The following DUSP14 variants were observed in gnomAD, a reference collection of about 807,000 sequenced individuals.
DUSP14 encodes the protein dual specificity phosphatase 14.
DUSP14 carries 5 observed loss-of-function variants against 13.2 expected under a neutral mutation model. The observed-to-expected ratio is 0.38, with a 90% CI of 0.20 to 0.80. The LOEUF (loss-of-function observed/expected upper bound fraction) is 0.80. Among genes scored for constraint, DUSP14 ranks in the 30% least tolerant of loss-of-function variants. DUSP14 has a pLI of 0.44. For synonymous variants in DUSP14, 91 were observed against 103.4 expected (o/e 0.88, Z 0.73); for missense variants, 185 against 264.0 (o/e 0.70, Z 2.07).
intron 1 of DUSP14, among the ~76,000 whole-genome samples, chr17:37,503,078 G>A (rs1431181811): frequency 6.6e-6 from 1 of 152,116 alleles, no homozygotes; most frequent in African/African-American, 2.4e-5. Context: ...AGGTTTCTCA[G>A]GGTTCAAATG....
intron 1 of DUSP14, among the ~76,000 whole-genome samples, chr17:37,492,403 A>C (rs2054034959): frequency 6.6e-6 from 1 of 152,246 alleles, no homozygotes; most frequent in Admixed American, 6.5e-5. Flanking sequence ...GCTTCACTTC[A>C]CCTGGGTGAA....
chr17:37,503,631 G>T (rs1471570510), intron 1 of DUSP14, among the ~76,000 whole-genome samples: 1 of 152,176 alleles, frequency 6.6e-6, no homozygotes, highest in Non-Finnish European at 1.5e-5. Context: ...CCAAATACAA[G>T]AATTCAATTC....
chr17:37,511,259 G>A (rs989350335), intron 2 of DUSP14, among the ~76,000 whole-genome samples: 14 of 152,140 alleles, frequency 9.2e-5, no homozygotes, highest in African/African-American at 2.6e-4. Context: ...ACATTGTCAC[G>A]AAATGATAGG....
chr17:37,500,709 TTATA>T (rs1376837347), intron 1 of DUSP14, among the ~76,000 whole-genome samples: 2 of 152,224 alleles, frequency 1.3e-5, no homozygotes, highest in Admixed American at 1.3e-4. Context: ...AAAATGTTAT[TTATA>T]TAAGCCATTG....
At position 37,512,978 on chromosome 17, in the gene DUSP14, G is replaced by A; in HGVS notation, c.*109G>A. On this transcript the variant is annotated 3_prime_UTR_variant, in exon 3 of 3. Transcript: ENST00000617516. This position sits in a 1 kb window ranked among gnomAD's most constrained non-coding sequence, Gnocchi z 4.8. ...TGGCTGACTTCTGGTTCTCCCTCAA[G>A]TGTTTTTTACACTGGGTGTTCAAAT... The A allele has an allele frequency of 4.1e-6, 4 of 972,700 alleles. No individual in the cohort carries two copies. Among genetic ancestry groups the A allele is most frequent in the Non-Finnish European group, 6.2e-6 (4 of 643,490 alleles). The allele number at this position is 972,700 out of a possible 1,614,324, so 60.3% of individuals were successfully genotyped here.
chr17:37,493,353 TGAA>T, intron 1 of DUSP14, among the ~76,000 whole-genome samples: 1 of 152,350 alleles, frequency 6.6e-6, no homozygotes, highest in Middle Eastern at 3.4e-3. Flanking sequence ...GGGGCAATTA[TGAA>T]CAGCCCTGAG....
At chr17:37,511,080 C>T (rs772947235) in intron 2 of DUSP14, among the ~76,000 whole-genome samples, 2 of 151,958 alleles carry the variant, frequency 1.3e-5, no homozygotes, top group Non-Finnish European at 2.9e-5. Flanking sequence ...GACGTTCAGA[C>T]GTTAAAAGCC....
chr17:37,512,944 CT>C lies in DUSP14; in HGVS notation c.*77del. ...CCGCCGTCTGCTCCCTCTCCACTCT[CT>C]TCTCAAATGGCTGACTTCTGGTTCT... On this transcript the variant is annotated 3_prime_UTR_variant, in exon 3 of 3. Transcript: ENST00000617516. The surrounding 1 kb of genome is among the most constrained non-coding windows in gnomAD (Gnocchi z 4.8). 7.9e-7 allele frequency: 1 copy of C among 1,260,892 alleles called. No homozygotes were observed. The highest frequency in any genetic ancestry group is 1.5e-5 in the African/African-American group (1 of 66,696). 78.1% of individuals were successfully genotyped at this position (1,260,892 alleles called of 1,614,324 possible).
chr17:37,490,213 G>A (rs2054017911), intron 1 of DUSP14, among the ~76,000 whole-genome samples: 1 of 147,264 alleles, frequency 6.8e-6, no homozygotes, highest in Non-Finnish European at 1.5e-5. Context: ...GCCCCCTGCC[G>A]CTCCCCCGCC....
chr17:37,501,256 G>T (rs746144836), intron 1 of DUSP14, among the ~76,000 whole-genome samples: 7 of 152,190 alleles, frequency 4.6e-5, no homozygotes, highest in Non-Finnish European at 8.8e-5. Context: ...TTTTCACATT[G>T]TATTAAGTTA....
intron 1 of DUSP14, 146 bp from the exon 2 acceptor site, chr17:37,510,531 C>G (rs2054176391): frequency 6.6e-6 from 1 of 152,192 alleles, no homozygotes; most frequent in Admixed American, 6.5e-5. Context: ...ACTGGTGCAG[C>G]CTTTAAATGC....
chr17:37,496,566 C>T (rs2054066561), intron 1 of DUSP14, among the ~76,000 whole-genome samples: 1 of 152,096 alleles, frequency 6.6e-6, no homozygotes, highest in Admixed American at 6.6e-5. Context: ...CCAGCCTGAC[C>T]AACATAGTGA....
chr17:37,498,128 T>C (rs1054072807), intron 1 of DUSP14, among the ~76,000 whole-genome samples: 4 of 152,066 alleles, frequency 2.6e-5, no homozygotes, highest in Non-Finnish European at 5.9e-5. Context: ...GATGGAACTC[T>C]TAGAGCATTT....
intron 1 of DUSP14, among the ~76,000 whole-genome samples, chr17:37,508,286 G>A (rs998137268): frequency 2.2e-4 from 31 of 142,480 alleles, no homozygotes; most frequent in African/African-American, 6.5e-4. Flanking sequence ...CCCCCGACCC[G>A]CAGCCTCACC....
chr17:37,494,479 G>C (rs1416877888), intron 1 of DUSP14, among the ~76,000 whole-genome samples: 1 of 152,158 alleles, frequency 6.6e-6, no homozygotes, highest in Admixed American at 6.6e-5. Flanking sequence ...CCTAAAAGCT[G>C]GGACTGCAGC....
chr17:37,510,936 C>T (rs190111930), intron 2 of DUSP14, among the ~76,000 whole-genome samples, 172 bp downstream of exon 2: 48 of 151,844 alleles, frequency 3.2e-4, no homozygotes, highest in African/African-American at 1.1e-3. Flanking sequence ...ACGGATGTAT[C>T]TAAGATCTCA....
intron 1 of DUSP14, among the ~76,000 whole-genome samples, chr17:37,501,507 C>G (rs1437614659): frequency 6.6e-6 from 1 of 151,928 alleles, no homozygotes; most frequent in Admixed American, 6.6e-5. Context: ...GCCCCCATTC[C>G]AAGTCTAAAA....
chr17:37,499,592 G>A (rs1407701584), intron 1 of DUSP14, among the ~76,000 whole-genome samples: 2 of 152,040 alleles, frequency 1.3e-5, no homozygotes, highest in Admixed American at 6.6e-5. Context: ...GAACTGGCGC[G>A]ATCTCGGCTC....
intron 1 of DUSP14, among the ~76,000 whole-genome samples, chr17:37,499,444 A>G (rs1400987483): frequency 1.3e-5 from 2 of 152,078 alleles, no homozygotes; most frequent in Non-Finnish European, 2.9e-5. Context: ...GGCTCAAGCA[A>G]TCCTCCTGCC....
Sources: gnomAD v4.1 joint callset for allele counts (sites outside exome capture counted in the v4.1 genomes callset) on GRCh38, gnomAD v4.1.1 for gene constraint, Gnocchi (gnomAD v3.1) non-coding constraint, MANE v1.5 for transcripts, NCBI Gene and HGNC (gene_info 2026-07-23, HGNC 2026-07-21) for gene names.